CLASP2: variants seen among roughly 807,000 people sequenced by gnomAD.
CLASP2 encodes the protein CLIP-associating protein 2.
In CLASP2, 47 loss-of-function variants were observed where a neutral mutation model predicts 194.4. That is an observed-to-expected ratio of 0.24 (90% confidence interval 0.19 to 0.31). CLASP2 has a LOEUF of 0.31. Among genes scored for constraint, CLASP2 ranks in the 10% least tolerant of loss-of-function variants. CLASP2 has a pLI of 1.00. For missense variants in CLASP2, 1,445 were observed against 1,823.6 expected, an observed-to-expected ratio of 0.79 and a Z score of 3.78; for synonymous variants, 619 against 633.5, an observed-to-expected ratio of 0.98 and a Z score of 0.34.
intron 36 of CLASP2, 74 bp from the exon 37 acceptor site, chr3:33,510,838 A>T: frequency 7.8e-7 from 1 of 1,286,360 alleles, no homozygotes. Flanking sequence ...TATAAACTTC[A>T]TGAAGTATTC....
Position 33,543,515 on chromosome 3 carries a change from T to G in CLASP2, c.3322A>C (p.Arg1108=), listed in dbSNP as rs1559946053. ...TQSSMGSPLT[R]PTPRSPANWS... is the part of the protein sequence containing the mutation. ...TTAGCTGGTGATCGTGGTGTTGGTC[T>G]TGTCAAAGGACTCCCCATGGAACTC... Residue 1108 remains arginine (R), a synonymous_variant, in exon 32 of 39, where the codon AGA becomes CGA. Transcript: ENST00000682230. 6.2e-7 allele frequency: 1 copy of G among 1,612,700 alleles called. No individual in the cohort carries two copies. The highest frequency in any genetic ancestry group is 1.7e-5 in the Admixed American group (1 of 60,006).
chr3:33,572,997 G>T, intron 25 of CLASP2, 113 bp downstream of exon 25: 1 of 1,198,910 alleles, frequency 8.3e-7, no homozygotes, highest in Non-Finnish European at 1.2e-6. Context: ...GCAACCATAT[G>T]AATTCAGGAC....
At chr3:33,521,028 A>G (rs1205356363) in intron 34 of CLASP2, among the ~76,000 whole-genome samples, 1 of 152,142 alleles carries the variant, frequency 6.6e-6, no homozygotes, top group Non-Finnish European at 1.5e-5. Flanking sequence ...GGGATAGTAC[A>G]ACAGTACCAG....
rs182828146 is a variant in CLASP2 at position 33,499,070 on chromosome 3, T to G, written c.4435-353A>C. 1.8e-3 allele frequency among the ~76,000 whole-genome samples: 270 copies of G among 152,222 alleles called. 1 individual carries two copies. Among genetic ancestry groups the G allele is most frequent in the African/African-American group, 6.0e-3 (249 of 41,552 alleles). On this transcript the variant is annotated intron_variant, in intron 38 of 38. Transcript: ENST00000682230. ...ATCTTATCTTGAATTGTAATCCCCA[T>G]GTGTTGGGGGAGGGTCCTTGTGGGA...
intron 37 of CLASP2, 190 bp from the exon 38 acceptor site, chr3:33,501,958 C>T (rs1268847981): frequency 1.9e-6 from 1 of 539,434 alleles, no homozygotes; most frequent in Non-Finnish European, 3.3e-6. Flanking sequence ...ACTTCCCCTA[C>T]TGCGCCCTCA....
intron 6 of CLASP2, chr3:33,683,280 A>T (rs1383096439): frequency 1.3e-5 from 2 of 152,250 alleles, no homozygotes; most frequent in Non-Finnish European, 1.5e-5. Flanking sequence ...AGAACTTTTT[A>T]AATGGTGATA....
intron 30 of CLASP2, 131 bp downstream of exon 30, chr3:33,551,121 T>C (rs1347837215): frequency 1.4e-6 from 1 of 720,012 alleles, no homozygotes; most frequent in African/African-American, 1.8e-5. Context: ...ATTTTAAAGA[T>C]TTTTTAAAAA....
At chr3:33,628,162 AAGAG>A (rs2078388924) in intron 9 of CLASP2, among the ~76,000 whole-genome samples, 1 of 152,204 alleles carries the variant, frequency 6.6e-6, no homozygotes, top group African/African-American at 2.4e-5. Context: ...GAGCAAGAGC[AAGAG>A]AGAAAGAAAG....
At chr3:33,586,972 C>T (rs1381787083) in intron 21 of CLASP2, among the ~76,000 whole-genome samples, 1 of 152,026 alleles carries the variant, frequency 6.6e-6, no homozygotes, top group Non-Finnish European at 1.5e-5. Context: ...TTCTAGCCAC[C>T]TTTGTCTTGA....
chr3:33,601,592 T>C (rs773110452), intron 18 of CLASP2, among the ~76,000 whole-genome samples: 10 of 152,222 alleles, frequency 6.6e-5, no homozygotes, highest in African/African-American at 1.9e-4. Flanking sequence ...TTTTCCTTCA[T>C]GGCTTATTTG....
At chr3:33,650,113 G>A (rs1051763146) in intron 7 of CLASP2, among the ~76,000 whole-genome samples, 5 of 152,258 alleles carry the variant, frequency 3.3e-5, no homozygotes, top group South Asian at 2.1e-4. Flanking sequence ...TACAATAACT[G>A]AGCAAACTTG....
chr3:33,508,641 G>A (rs945216167), intron 37 of CLASP2, among the ~76,000 whole-genome samples: 1 of 152,072 alleles, frequency 6.6e-6, no homozygotes, highest in Non-Finnish European at 1.5e-5. Flanking sequence ...AAATAATTTT[G>A]TAAGTCAATA....
Position 33,545,319 on chromosome 3 carries a change from A to G in CLASP2, c.3154-478T>C, listed in dbSNP as rs373739384. ...TTATACAATTCTTCTCCGCTTCTGA[A>G]GTAATCAACTGCATTACTAAAAGAC... is the stretch of plus-strand genomic sequence containing the variant. On this transcript the variant is annotated intron_variant, in intron 30 of 38. Coordinates refer to ENST00000682230, the MANE Select transcript of CLASP2 (RefSeq NM_001365631.1). Among the ~76,000 whole-genome samples the G allele has an allele frequency of 5.3e-5, 8 of 152,342 alleles. No individual in the cohort carries two copies. The East Asian group carries it at 1.5e-3, about 29-fold the overall frequency.
At chr3:33,661,689 C>T (rs1461253349) in intron 7 of CLASP2, among the ~76,000 whole-genome samples, 2 of 152,108 alleles carry the variant, frequency 1.3e-5, no homozygotes, top group Admixed American at 6.6e-5. Flanking sequence ...CAAATGGGAA[C>T]GTCATCAAGG....
At chr3:33,562,993 A>G (rs1486566797) in intron 27 of CLASP2, among the ~76,000 whole-genome samples, 1 of 152,038 alleles carries the variant, frequency 6.6e-6, no homozygotes, top group Non-Finnish European at 1.5e-5. Flanking sequence ...GATTTCCTCT[A>G]TACCTATCCT....
chr3:33,559,100 C>T (rs1471059236), intron 29 of CLASP2: 1 of 663,310 alleles, frequency 1.5e-6, no homozygotes, highest in Non-Finnish European at 2.7e-6. Context: ...AGAAATAATG[C>T]AGATGAAAAC....
intron 33 of CLASP2, 150 bp from the exon 34 acceptor site, chr3:33,535,611 T>G: frequency 1.6e-6 from 1 of 634,924 alleles, no homozygotes; most frequent in East Asian, 2.8e-5. Flanking sequence ...GCAATCAACA[T>G]TATGAGTTAC....
At chr3:33,559,721 C>T (rs2061498910) in intron 28 of CLASP2, among the ~76,000 whole-genome samples, 1 of 152,026 alleles carries the variant, frequency 6.6e-6, no homozygotes, top group Admixed American at 6.6e-5. Flanking sequence ...ATGGAGAAAC[C>T]CCGTCTCTAT....
At chr3:33,586,084 G>A (rs944016895) in intron 21 of CLASP2, among the ~76,000 whole-genome samples, 1 of 152,174 alleles carries the variant, frequency 6.6e-6, no homozygotes, top group South Asian at 2.1e-4. Flanking sequence ...AGTCCCAAGG[G>A]TAGAAGGGGA....
Sources: gnomAD v4.1 joint callset for allele counts (sites outside exome capture counted in the v4.1 genomes callset) on GRCh38, gnomAD v4.1.1 for gene constraint, MANE v1.5 for transcripts, NCBI Gene and HGNC (gene_info 2026-07-23, HGNC 2026-07-21) for gene names.